Variants in WDPCP observed in about 807,000 individuals in gnomAD.
WDPCP encodes the protein WD repeat containing planar cell polarity effector.
WDPCP carries 71 observed loss-of-function variants against 93.1 expected under a neutral mutation model. The ratio of observed to expected loss-of-function variants is 0.76; its 90% CI spans 0.63 to 0.93. The LOEUF is 0.93. Ranked by LOEUF, WDPCP falls within the 40% of genes least tolerant of loss-of-function variation. The pLI is 0.00. For missense variants in WDPCP, 844 were observed against 887.4 expected, an observed-to-expected ratio of 0.95 and a Z score of 0.62; for synonymous variants, 315 against 315.0, an observed-to-expected ratio of 1.00 and a Z score of 0.00.
intron 12 of WDPCP, among the ~76,000 whole-genome samples, chr2:63,326,372 G>A (rs534762910): frequency 3.9e-5 from 6 of 152,276 alleles, no homozygotes; most frequent in Non-Finnish European, 7.4e-5. Context: ...AGAGTGGGAT[G>A]CAAAGGGCAG....
chr2:63,337,350 G>A (rs1688458431), intron 12 of WDPCP, among the ~76,000 whole-genome samples: 1 of 152,014 alleles, frequency 6.6e-6, no homozygotes, highest in Admixed American at 6.6e-5. Context: ...ATATTCCATT[G>A]TGTATATATA....
intron 1 of WDPCP, among the ~76,000 whole-genome samples, chr2:63,579,202 C>T (rs999225290): frequency 6.6e-6 from 1 of 152,182 alleles, no homozygotes; most frequent in African/African-American, 2.4e-5. Flanking sequence ...GAATGGGCAC[C>T]TCACACAGTC....
intron 2 of WDPCP, among the ~76,000 whole-genome samples, chr2:63,662,586 C>T (rs548649480): frequency 6.6e-6 from 1 of 151,886 alleles, no homozygotes; most frequent in African/African-American, 2.4e-5. Context: ...ATACCAAAGT[C>T]ATGAGACTTG....
Position 63,738,872 on chromosome 2 carries a change from C to T in WDPCP, n.308+74750G>A, listed in dbSNP as rs940678412. Reference sequence around the variant, plus strand: ...CATTACCAGCTCCCCAAAATCCCCCCGACAACCCTTTCAAATATTAACTCC... The same window carrying T: ...CATTACCAGCTCCCCAAAATCCCCCTGACAACCCTTTCAAATATTAACTCC... On this transcript the variant is annotated intron_variant and non_coding_transcript_variant, in intron 2 of 4. Coordinates refer to the WDPCP transcript ENST00000467687. Among the ~76,000 whole-genome samples the T allele has an allele frequency of 5.4e-4, 82 of 151,988 alleles. 1 individual carries two copies. Among genetic ancestry groups the T allele is most frequent in the African/African-American group, 1.6e-3 (67 of 41,364 alleles).
intron 12 of WDPCP, among the ~76,000 whole-genome samples, chr2:63,369,868 C>T (rs959182219): frequency 2.6e-5 from 4 of 152,018 alleles, no homozygotes; most frequent in African/African-American, 4.8e-5. Flanking sequence ...ATTTAGAATA[C>T]GAACAACATA....
At chr2:63,742,556 C>T (rs1669739893) in intron 2 of WDPCP, among the ~76,000 whole-genome samples, 4 of 151,420 alleles carry the variant, frequency 2.6e-5, no homozygotes, top group Admixed American at 2.0e-4. Flanking sequence ...GCATTAAAAG[C>T]CTCGTCTTGT....
At chr2:63,760,620 A>AT (rs1670042984) in intron 2 of WDPCP, among the ~76,000 whole-genome samples, 2 of 152,070 alleles carry the variant, frequency 1.3e-5, no homozygotes, top group Non-Finnish European at 2.9e-5. Flanking sequence ...TGGGACCCTG[A>AT]TTATTAGAGA....
At chr2:63,522,705 A>C (rs1213428275) in intron 1 of WDPCP, among the ~76,000 whole-genome samples, 1 of 152,202 alleles carries the variant, frequency 6.6e-6, no homozygotes, top group African/African-American at 2.4e-5. Flanking sequence ...CAGCTAGGAA[A>C]TCTACCAGAA....
At chr2:63,282,354 A>T (rs1469591396) in intron 13 of WDPCP, among the ~76,000 whole-genome samples, 1 of 152,064 alleles carries the variant, frequency 6.6e-6, no homozygotes, top group Admixed American at 6.5e-5. Context: ...AAAATACAAA[A>T]ATTAGCTGGG....
In WDPCP at chr2:63,378,485, G is replaced by T. The variant is rs567533706; in HGVS notation, c.1649C>A (p.Thr550Asn). 2 of 1,613,228 alleles carry T rather than the reference G, an allele frequency of 1.2e-6. No homozygotes were observed. The highest frequency in any genetic ancestry group is 2.2e-5 in the East Asian group (1 of 44,808). The change falls in exon 12 of 18, where the codon ACC (threonine) becomes AAC (asparagine). Residue 550 changes from threonine to asparagine, a missense_variant. Physicochemically the swap from Thr to Asn is moderately conservative, Grantham distance 65 (BLOSUM62 0). Coordinates refer to ENST00000272321, the MANE Select transcript of WDPCP (RefSeq NM_015910.7). ...REAQLETSLG[T>N]FYAPTRPLLD... ...AAGTGGTCTTGTTGGAGCATAGAAG[G>T]TTCCAAGGCTTGTCTCAAGCTGTGC...
At chr2:63,781,836 C>T (rs1306888165) in intron 2 of WDPCP, among the ~76,000 whole-genome samples, 3 of 152,200 alleles carry the variant, frequency 2.0e-5, no homozygotes, top group East Asian at 3.9e-4. Flanking sequence ...TTAAGGAGCC[C>T]AGGACCCAGG....
chr2:63,766,905 T>G (rs1319869132), intron 2 of WDPCP, among the ~76,000 whole-genome samples: 1 of 152,152 alleles, frequency 6.6e-6, no homozygotes, highest in African/African-American at 2.4e-5. Flanking sequence ...TCCCATTCCC[T>G]TCTATCCCGA....
At chr2:63,257,161 G>T (rs1341732926) in intron 14 of WDPCP, among the ~76,000 whole-genome samples, 2 of 152,128 alleles carry the variant, frequency 1.3e-5, no homozygotes, top group East Asian at 1.9e-4. Context: ...TATGGTGGCA[G>T]TATTTATGTC....
At chr2:63,411,868 G>A (rs953999059) in intron 9 of WDPCP, among the ~76,000 whole-genome samples, 2 of 152,068 alleles carry the variant, frequency 1.3e-5, no homozygotes, top group African/African-American at 4.8e-5. Flanking sequence ...AACAAGCAGT[G>A]AGATTGAAAC....
chr2:63,193,285 G>A (rs910291068), intron 14 of WDPCP, among the ~76,000 whole-genome samples: 1 of 151,962 alleles, frequency 6.6e-6, no homozygotes, highest in Admixed American at 6.5e-5. Context: ...AAAAAGCTTT[G>A]TCTTTAGAAG....
At chr2:63,514,991 C>A (rs1289322313) in intron 1 of WDPCP, among the ~76,000 whole-genome samples, 1 of 152,054 alleles carries the variant, frequency 6.6e-6, no homozygotes, top group Non-Finnish European at 1.5e-5. Flanking sequence ...CAGGCTGCAG[C>A]TGTGTGTCTG....
chr2:63,722,211 C>T (rs1279419862), intron 2 of WDPCP, among the ~76,000 whole-genome samples: 2 of 149,884 alleles, frequency 1.3e-5, no homozygotes, highest in Non-Finnish European at 3.0e-5. Context: ...TGTGAGGAGC[C>T]CCTCTGCCTG....
intron 14 of WDPCP, among the ~76,000 whole-genome samples, chr2:63,220,738 G>A (rs1157994526): frequency 1.3e-5 from 2 of 152,208 alleles, no homozygotes; most frequent in East Asian, 1.9e-4. Context: ...GGATACACGT[G>A]CAGGATGTGC....
chr2:63,700,166 C>A (rs1006255114), intron 2 of WDPCP, among the ~76,000 whole-genome samples: 1 of 151,092 alleles, frequency 6.6e-6, no homozygotes, highest in Non-Finnish European at 1.5e-5. Flanking sequence ...CCTGTAGTCC[C>A]AGCTACTTGA....
Sources: allele counts gnomAD v4.1 joint callset (sites outside exome capture counted in the v4.1 genomes callset), GRCh38; gene constraint gnomAD v4.1.1; transcripts MANE v1.5; gene names NCBI Gene and HGNC (gene_info 2026-07-23, HGNC 2026-07-21).